Variants in FBXL2 observed in about 807,000 individuals in gnomAD.
The protein encoded by FBXL2 is F-box and leucine rich repeat protein 2.
Under a neutral mutation model 69.2 loss-of-function variants are expected in FBXL2, and 38 were observed. That is an observed-to-expected ratio of 0.55 (90% CI 0.42 to 0.72). The LOEUF (loss-of-function observed/expected upper bound fraction) is 0.72. FBXL2 is among the 30% of genes least tolerant of loss of function. FBXL2 has a pLI of 0.00. For missense variants in FBXL2, 354 were observed against 520.3 expected (o/e 0.68, Z 3.11); for synonymous variants, 192 against 201.3 (o/e 0.95, Z 0.39).
chr3:33,287,537 A>G (rs2034774041), intron 1 of FBXL2, among the ~76,000 whole-genome samples: 1 of 152,142 alleles, frequency 6.6e-6, no homozygotes, highest in Admixed American at 6.5e-5. Context: ...GCTGGAGTAC[A>G]GTGGCTCAGC....
chr3:33,318,915 C>T (rs923639368), intron 2 of FBXL2, among the ~76,000 whole-genome samples: 2 of 152,236 alleles, frequency 1.3e-5, no homozygotes, highest in South Asian at 2.1e-4. Flanking sequence ...CATGGCTGTA[C>T]GTACCTGCAA....
downstream of FBXL2, among the ~76,000 whole-genome samples, chr3:33,407,990 T>C (rs139518828): frequency 5.0e-3 from 762 of 152,326 alleles, 7 homozygotes; most frequent in African/African-American, 0.016. Flanking sequence ...AAAGCACATA[T>C]TCAACCAGAT....
intron 13 of FBXL2, chr3:33,383,132 A>G (rs2043170793): frequency 6.6e-6 from 1 of 152,246 alleles, no homozygotes; most frequent in African/African-American, 2.4e-5. Context: ...ATTTGATTTT[A>G]TAGACTCTCC....
intron 2 of FBXL2, among the ~76,000 whole-genome samples, chr3:33,349,231 C>G (rs1421999763): frequency 6.6e-6 from 1 of 152,134 alleles, no homozygotes; most frequent in Non-Finnish European, 1.5e-5. Context: ...ATGATACTAG[C>G]TGTGAGTCTG....
the FBXL2 span, chr3:33,416,675 T>G: frequency 9.3e-7 from 1 of 1,072,754 alleles, no homozygotes; most frequent in Non-Finnish European, 1.3e-6. Flanking sequence ...CAACAATTAT[T>G]GAAGTGAAAT....
At chr3:33,289,917 C>A in intron 1 of FBXL2, 1 of 338,184 alleles carries the variant, frequency 3.0e-6, no homozygotes, top group Non-Finnish European at 4.2e-6. Context: ...CATGGCAAGA[C>A]AGCTAAGAAA....
intron 2 of FBXL2, among the ~76,000 whole-genome samples, chr3:33,342,903 T>G (rs531586486): frequency 2.1e-5 from 3 of 142,980 alleles, no homozygotes; most frequent in African/African-American, 8.2e-5. Context: ...GTTTTTTTTT[T>G]TTTTTTTTTG....
In FBXL2 at chr3:33,387,015, C is replaced by G. The variant is rs533598767; in HGVS notation, c.*1407C>G. 26 of 152,188 alleles carry G rather than the reference C, an allele frequency of 1.7e-4. No individual in the cohort carries two copies. Among genetic ancestry groups the G allele is most frequent in the African/African-American group, 6.3e-4 (26 of 41,518 alleles). The allele number at this position is 152,188 out of a possible 1,614,324, so 9.4% of individuals were successfully genotyped here. A position where few individuals can be genotyped will look rare whatever the true frequency, so the allele number is the denominator to read the frequency against. ...AAGGATATATTATGTCAGCTGCATTCTAGGAAGAGAAGCAGATTATATATA... is the reference window on the plus strand; with the variant it reads ...AAGGATATATTATGTCAGCTGCATTGTAGGAAGAGAAGCAGATTATATATA... On this transcript the variant is annotated 3_prime_UTR_variant, in exon 15 of 15. Coordinates refer to ENST00000484457, the MANE Select transcript of FBXL2 (RefSeq NM_012157.5).
intron 3 of FBXL2, 51 bp downstream of exon 3, chr3:33,359,072 A>C (rs2041423253): frequency 7.8e-7 from 1 of 1,275,292 alleles, no homozygotes; most frequent in Non-Finnish European, 1.1e-6. Flanking sequence ...TTTTATTAGA[A>C]TGAGTTTTAG....
At chr3:33,394,326 G>A (rs780653011) in intron 12 of FBXL2, among the ~76,000 whole-genome samples, 3 of 151,952 alleles carry the variant, frequency 2.0e-5, no homozygotes, top group Non-Finnish European at 4.4e-5. Flanking sequence ...GATTACAGGC[G>A]TGAGCCAGCA....
At chr3:33,279,202 TG>T (rs1295221053) in intron 1 of FBXL2, among the ~76,000 whole-genome samples, 1 of 151,894 alleles carries the variant, frequency 6.6e-6, no homozygotes, top group Non-Finnish European at 1.5e-5. Context: ...TCCATGGAAG[TG>T]GGGAATGGTT....
intron 2 of FBXL2, among the ~76,000 whole-genome samples, chr3:33,327,195 A>C (rs2038765626): frequency 6.6e-6 from 1 of 152,196 alleles, no homozygotes; most frequent in South Asian, 2.1e-4. Flanking sequence ...GTCTTTTGTA[A>C]GGTAAAGCTG....
At chr3:33,283,459 A>T (rs931894679) in intron 1 of FBXL2, among the ~76,000 whole-genome samples, 2 of 152,194 alleles carry the variant, frequency 1.3e-5, no homozygotes, top group Non-Finnish European at 2.9e-5. Flanking sequence ...CCAGTATTTT[A>T]TTGAGGATTT....
intron 12 of FBXL2, chr3:33,397,295 C>T: frequency 4.0e-6 from 2 of 505,580 alleles, no homozygotes; most frequent in Non-Finnish European, 6.8e-6. Flanking sequence ...AGACACCTGT[C>T]CTTCAGAGCC....
At chr3:33,396,960 T>C in intron 12 of FBXL2, 3 of 1,249,846 alleles carry the variant, frequency 2.4e-6, no homozygotes, top group Non-Finnish European at 3.5e-6. Context: ...CACGCCAACC[T>C]AGCGTGGAAA....
chr3:33,422,570 T>A, the FBXL2 span, among the ~76,000 whole-genome samples: 50 of 151,980 alleles, frequency 3.3e-4, no homozygotes, highest in South Asian at 1.3e-3. Flanking sequence ...AAATTTTTTT[T>A]AAAAATTTGC....
the FBXL2 span, chr3:33,409,136 C>G: frequency 1.7e-6 from 2 of 1,142,866 alleles, no homozygotes; most frequent in African/African-American, 3.1e-5. Context: ...CAAACTGCCA[C>G]CCAATCTTCC....
At chr3:33,393,431 C>T (rs755697161) in intron 12 of FBXL2, 1 of 1,608,110 alleles carries the variant, frequency 6.2e-7, no homozygotes, top group Non-Finnish European at 8.5e-7. Context: ...GCAATCATTT[C>T]TTCCAAGTAG....
intron 5 of FBXL2, among the ~76,000 whole-genome samples, chr3:33,366,165 A>G (rs6809590): frequency 0.025 from 3,744 of 152,208 alleles, 78 homozygotes; most frequent in Admixed American, 0.058. Flanking sequence ...ACCCTCCATC[A>G]CTCATATAAA....
Sources: allele counts gnomAD v4.1 joint callset (sites outside exome capture counted in the v4.1 genomes callset), GRCh38; gene constraint gnomAD v4.1.1; transcripts MANE v1.5; gene names NCBI Gene and HGNC (gene_info 2026-07-23, HGNC 2026-07-21).